The following DTX2 variants were observed in gnomAD, a reference collection of about 807,000 sequenced individuals.
DTX2 encodes the protein probable E3 ubiquitin-protein ligase DTX2.
In DTX2, 29 loss-of-function variants were observed where a neutral mutation model predicts 55.3. The observed-to-expected ratio is 0.52, with a 90% CI of 0.39 to 0.71. The LOEUF is 0.71. Among genes scored for constraint, DTX2 ranks in the 30% least tolerant of loss-of-function variants. The probability of loss-of-function intolerance (pLI) is 0.00; values close to 1 mark genes in which losing one functional copy is unlikely to be tolerated. For synonymous variants in DTX2, 276 were observed against 340.4 expected (o/e 0.81, Z 2.08); for missense variants, 537 against 822.5 (o/e 0.65, Z 4.25).
In DTX2 at chr7:76,502,365, C is replaced by G. The variant is rs1452030617; in HGVS notation, c.1298C>G (p.Ala433Gly). ...TACAGCGATGTGACTGACAGCAAGG[C>G]AATCGGGTCCCTAGCTGTGGGCCAC... ...SGYSDVTDSK[A>G]IGSLAVGHLT... The change falls in exon 8 of 11, where the codon GCA (alanine) becomes GGA (glycine). Residue 433 changes from alanine (A) to glycine (G), a missense_variant. By Grantham distance (60) the Ala-to-Gly change is moderately conservative. Transcript: ENST00000430490. The G allele has an allele frequency of 6.2e-7, 1 of 1,612,380 alleles. No individual in the cohort carries two copies.
At chr7:76,498,809 T>A (rs1811241050) in intron 6 of DTX2, among the ~76,000 whole-genome samples, 1 of 127,762 alleles carries the variant, frequency 7.8e-6, no homozygotes, top group Non-Finnish European at 1.6e-5. Context: ...TGTGGAGGTG[T>A]GGGGTGTGTG....
intron 5 of DTX2, among the ~76,000 whole-genome samples, chr7:76,495,324 G>A (rs1209101579): frequency 6.8e-6 from 1 of 147,908 alleles, no homozygotes; most frequent in Non-Finnish European, 1.5e-5. Flanking sequence ...AGAAGGAGGG[G>A]TGTCTGCAAA....
intron 3 of DTX2, among the ~76,000 whole-genome samples, chr7:76,481,256 G>T (rs1374938879): frequency 6.6e-6 from 1 of 151,674 alleles, no homozygotes; most frequent in Non-Finnish European, 1.5e-5. Context: ...GCGCAGTCTC[G>T]GCTCACTGCA....
At chr7:76,503,844 G>A (rs1413772463) in intron 9 of DTX2, among the ~76,000 whole-genome samples, 1 of 150,280 alleles carries the variant, frequency 6.7e-6, no homozygotes, top group African/African-American at 2.4e-5. Flanking sequence ...CCTAGAGGAG[G>A]AGCCATCTTA....
Position 76,482,931 on chromosome 7 carries a change from C to T in DTX2, c.692C>T (p.Pro231Leu), listed in dbSNP as rs372688420. The change falls in exon 4 of 11, where the codon CCA (proline) becomes CTA (leucine). Residue 231 changes from proline (P) to leucine (L), a missense_variant. Around this residue, in one of 7 missense-constraint regions of DTX2, gnomAD observed 301 missense variants for 396.6 expected, o/e 0.76. Coordinates refer to ENST00000430490, the MANE Select transcript of DTX2 (RefSeq NM_001102594.3). Reference protein sequence around the residue: ...LPAYPVPQHPPHRTASVFGTH... With the variant: ...LPAYPVPQHPLHRTASVFGTH... ...GCATACCCCGTCCCCCAGCACCCCC[C>T]ACACAGGACCGCTTCTGTGTTTGGG... is the stretch of plus-strand genomic sequence containing the variant. The T allele has an allele frequency of 2.8e-5, 45 of 1,613,528 alleles. No individual in the cohort carries two copies. The East Asian group carries it at 5.1e-4, about 18-fold the overall frequency.
rs17855260 is a variant in DTX2 at position 76,503,581 on chromosome 7, T to C, written c.1545T>C (p.Gly515=). ...TILIVYSIPH[G]IQGPEHPNPG... is the part of the protein sequence containing the mutation. Reference sequence around the variant, plus strand: ...TCATAGTTTACAGCATTCCCCATGGTATCCAGGTGAGGGGCCTTCTTGAGT... The same window carrying C: ...TCATAGTTTACAGCATTCCCCATGGCATCCAGGTGAGGGGCCTTCTTGAGT... The change falls in exon 9 of 11, where the codon GGT becomes GGC. Residue 515 remains glycine, a synonymous_variant. Transcript: ENST00000430490. The C allele has an allele frequency of 0.39, 614,970 of 1,582,978 alleles. 124,735 individuals are homozygous for C. The highest frequency in any genetic ancestry group is 0.44 in the East Asian group (19,677 of 44,502).
At chr7:76,473,660 G>A (rs1450046720) in intron 2 of DTX2, among the ~76,000 whole-genome samples, 1 of 92,122 alleles carries the variant, frequency 1.1e-5, no homozygotes, top group Admixed American at 1.2e-4. Context: ...ACAAAAATTA[G>A]CCAGGTGTGG....
intron 3 of DTX2, among the ~76,000 whole-genome samples, chr7:76,481,336 A>G (rs2903802): frequency 2.0e-5 from 3 of 151,902 alleles, no homozygotes; most frequent in Non-Finnish European, 2.9e-5. Flanking sequence ...ATAGGCATCC[A>G]CCACCACACC....
At chr7:76,473,641 A>G (rs1808188849) in intron 2 of DTX2, among the ~76,000 whole-genome samples, 2 of 96,404 alleles carry the variant, frequency 2.1e-5, no homozygotes, top group African/African-American at 7.9e-5. Context: ...CCCCGTTTCT[A>G]CTAAAAATAC....
At chr7:76,483,628 G>A (rs1180250183) in intron 4 of DTX2, among the ~76,000 whole-genome samples, 2 of 149,382 alleles carry the variant, frequency 1.3e-5, no homozygotes, top group Non-Finnish European at 3.0e-5. Context: ...GGCAGTGGCT[G>A]CAGGTGGCAT....
At chr7:76,475,260 G>T (rs369196839) in intron 2 of DTX2, among the ~76,000 whole-genome samples, 1 of 149,532 alleles carries the variant, frequency 6.7e-6, no homozygotes, top group African/African-American at 2.5e-5. Context: ...GCAGTGAGCC[G>T]AGATCACGCC....
At chr7:76,498,920 T>G in intron 6 of DTX2, among the ~76,000 whole-genome samples, 1 of 35,992 alleles carries the variant, frequency 2.8e-5, no homozygotes, top group Non-Finnish European at 4.8e-5. Flanking sequence ...GTGTGGAGTG[T>G]GTGTGGAGGT....
intron 3 of DTX2, 33 bp downstream of exon 3, chr7:76,480,810 G>A (rs1207383099): frequency 1.3e-6 from 2 of 1,546,206 alleles, no homozygotes; most frequent in Admixed American, 3.8e-5. Flanking sequence ...CACATATCTG[G>A]GTGCCGCACC....
intron 2 of DTX2, among the ~76,000 whole-genome samples, chr7:76,466,358 A>G (rs1807185069): frequency 6.6e-6 from 1 of 151,726 alleles, no homozygotes; most frequent in Admixed American, 6.6e-5. Context: ...AAGCTCTGGC[A>G]ATCTAGGCAC....
At position 76,502,332 on chromosome 7, in the gene DTX2, C is replaced by A. The variant is rs148587797; in HGVS notation, c.1265C>A (p.Ala422Glu). 4.4e-6 allele frequency: 7 copies of A among 1,608,076 alleles called. No homozygotes were observed. The highest frequency in any genetic ancestry group is 5.9e-6 in the Non-Finnish European group (7 of 1,177,436). ...ATCTGCATGGAGAAGCTGTCCACAG[C>A]GTCTGGATACAGCGATGTGACTGAC... is the stretch of plus-strand genomic sequence containing the variant. ...CIICMEKLSTASGYSDVTDSK... is the reference protein window; with the variant it reads ...CIICMEKLSTESGYSDVTDSK... Residue 422 changes from alanine (A) to glutamate (E), a missense_variant, in exon 8 of 11, where the codon GCG becomes GAG. Around this residue, in one of 7 missense-constraint regions of DTX2, gnomAD observed 121 missense variants for 136.8 expected, o/e 0.88. Transcript: ENST00000430490.
intron 7 of DTX2, 169 bp from the exon 8 acceptor site, chr7:76,502,129 G>C (rs565679856): frequency 3.4e-6 from 2 of 593,720 alleles, no homozygotes; most frequent in Non-Finnish European, 2.9e-6. Flanking sequence ...TCAAGTGATC[G>C]GCCTCCTAGA....
chr7:76,482,598 C>T lies in DTX2; in HGVS notation c.359C>T (p.Ser120Phe). 6.2e-7 allele frequency: 1 copy of T among 1,613,836 alleles called. No homozygotes were observed. The highest frequency in any genetic ancestry group is 8.5e-7 in the Non-Finnish European group (1 of 1,179,832). Reference protein sequence around the residue: ...VVWEWLSDDGSWTAYEASVCD... With the variant: ...VVWEWLSDDGFWTAYEASVCD... ...TGGGAGTGGCTGAGCGACGATGGCTCCTGGACTGCCTATGAAGCCAGCGTC... is the reference window on the plus strand; with the variant it reads ...TGGGAGTGGCTGAGCGACGATGGCTTCTGGACTGCCTATGAAGCCAGCGTC... Residue 120 changes from serine (S) to phenylalanine (F), a missense_variant, in exon 4 of 11, where the codon TCC becomes TTC. Around this residue, in one of 7 missense-constraint regions of DTX2, gnomAD observed 301 missense variants for 396.6 expected, o/e 0.76. Coordinates refer to ENST00000430490, the MANE Select transcript of DTX2 (RefSeq NM_001102594.3).
At chr7:76,467,855 A>G (rs1189268951) in intron 2 of DTX2, among the ~76,000 whole-genome samples, 1 of 151,978 alleles carries the variant, frequency 6.6e-6, no homozygotes, top group Non-Finnish European at 1.5e-5. Context: ...GAATTAAGAG[A>G]TGAGTAAGTG....
At chr7:76,481,203 T>C (rs543433322) in intron 3 of DTX2, among the ~76,000 whole-genome samples, 2 of 151,804 alleles carry the variant, frequency 1.3e-5, no homozygotes, top group African/African-American at 4.8e-5. Context: ...TTTTTTTTTT[T>C]TGAGACGGAG....
Sources: gnomAD v4.1 joint callset for allele counts (sites outside exome capture counted in the v4.1 genomes callset) on GRCh38, gnomAD v4.1.1 for gene constraint, gnomAD v4.1.1 regional missense constraint, MANE v1.5 for transcripts, NCBI Gene and HGNC (gene_info 2026-07-23, HGNC 2026-07-21) for gene names.